FBXL19: variants seen among roughly 807,000 people sequenced by gnomAD.
The protein encoded by FBXL19 is F-box and leucine rich repeat protein 19.
FBXL19 carries 16 observed loss-of-function variants against 71.2 expected under a neutral mutation model. The observed-to-expected ratio is 0.22, with a 90% CI of 0.15 to 0.34. The LOEUF (loss-of-function observed/expected upper bound fraction) is 0.34, where lower values mean the gene tolerates loss of function less well. Among genes scored for constraint, FBXL19 ranks in the 10% least tolerant of loss-of-function variants. The pLI is 1.00. For synonymous variants in FBXL19, 447 were observed against 409.4 expected, an observed-to-expected ratio of 1.09 and a Z score of -1.11; for missense variants, 658 against 968.2, an observed-to-expected ratio of 0.68 and a Z score of 4.25.
chr16:30,937,855 G>T (rs1302663496), intron 7 of FBXL19, among the ~76,000 whole-genome samples: 1 of 152,110 alleles, frequency 6.6e-6, no homozygotes, highest in Non-Finnish European at 1.5e-5. Context: ...GTGGACCGTG[G>T]AAGGGAAGTG....
intron 7 of FBXL19, among the ~76,000 whole-genome samples, chr16:30,940,566 C>T (rs1029542809): frequency 6.6e-6 from 1 of 152,110 alleles, no homozygotes; most frequent in Non-Finnish European, 1.5e-5. Context: ...CAGTGTACTA[C>T]AAAATGTTAC....
At chr16:30,939,050 T>C (rs2143368068) in intron 7 of FBXL19, among the ~76,000 whole-genome samples, 1 of 152,166 alleles carries the variant, frequency 6.6e-6, no homozygotes, top group African/African-American at 2.4e-5. Flanking sequence ...TTAATAACTC[T>C]GGTCTTTTTT....
intron 9 of FBXL19, among the ~76,000 whole-genome samples, chr16:30,944,358 CCT>C (rs2055835994): frequency 1.3e-5 from 2 of 151,896 alleles, no homozygotes; most frequent in African/African-American, 2.4e-5. Context: ...CTCCCTCCTC[CCT>C]CTGAAAGGCT....
At chr16:30,934,935 T>G (rs1216737299) in intron 7 of FBXL19, among the ~76,000 whole-genome samples, 2 of 152,122 alleles carry the variant, frequency 1.3e-5, no homozygotes, top group African/African-American at 4.8e-5. Flanking sequence ...GGGCAAAAGA[T>G]CATACATCAG....
chr16:30,937,453 C>T (rs537398035), intron 7 of FBXL19, among the ~76,000 whole-genome samples: 1 of 152,252 alleles, frequency 6.6e-6, no homozygotes, highest in African/African-American at 2.4e-5. Context: ...CTGTCCATGT[C>T]TCCCTGACTG....
intron 7 of FBXL19, among the ~76,000 whole-genome samples, chr16:30,931,387 C>T (rs1166214422): frequency 2.0e-5 from 3 of 152,156 alleles, no homozygotes; most frequent in Non-Finnish European, 2.9e-5. Context: ...TCTGTTTTAT[C>T]TTCACGTCCC....
Position 30,927,842 on chromosome 16 carries a change from C to A in FBXL19, c.506C>A (p.Pro169Gln). The A allele has an allele frequency of 6.5e-7, 1 of 1,546,784 alleles. No homozygotes were observed. Among genetic ancestry groups the A allele is most frequent in the Non-Finnish European group, 8.7e-7 (1 of 1,146,288 alleles). The change falls in exon 5 of 11, where the codon CCA becomes CAA. Residue 169 changes from proline (P) to glutamine (Q), a missense_variant. Pro to Gln is a moderately conservative substitution (Grantham distance 76). Transcript: ENST00000338343. ...GWKLTEEPPL[P>Q]PPPPRRKGPL... is the part of the protein sequence containing the mutation. ...AAGCTGACAGAGGAGCCACCGCTTCCACCGCCCCCGCCCAGGCGCAAGGGC... is the reference window on the plus strand; with the variant it reads ...AAGCTGACAGAGGAGCCACCGCTTCAACCGCCCCCGCCCAGGCGCAAGGGC...
Position 30,925,473 on chromosome 16 carries a change from C to T in FBXL19, c.-24-258C>T, listed in dbSNP as rs530038438. 6.6e-6 allele frequency among the ~76,000 whole-genome samples: 1 copy of T among 152,212 alleles called. No individual in the cohort carries two copies. Among genetic ancestry groups the T allele is most frequent in the African/African-American group, 2.4e-5 (1 of 41,518 alleles). On this transcript the variant is annotated intron_variant, in intron 1 of 10. Transcript: ENST00000338343. This position sits in a 1 kb window ranked among gnomAD's most constrained non-coding sequence, Gnocchi z 5.0. ...AGGGCCTCGGTGTCCCCTCCTGCTC[C>T]CTGGGCTAGGGAAGGGACCCTGAGG...
intron 1 of FBXL19, 115 bp downstream of exon 1, chr16:30,924,574 C>A: frequency 7.4e-7 from 1 of 1,348,652 alleles, no homozygotes. Flanking sequence ...CTCTCTACTC[C>A]AAACTCATCT....
chr16:30,927,032 C>CTACA (rs2055600145), intron 2 of FBXL19, among the ~76,000 whole-genome samples: 1 of 152,212 alleles, frequency 6.6e-6, no homozygotes, highest in Admixed American at 6.5e-5. Context: ...GTGATAACAG[C>CTACA]TACATATCAG....
chr16:30,935,201 C>G (rs1163301164), intron 7 of FBXL19, among the ~76,000 whole-genome samples: 4 of 152,170 alleles, frequency 2.6e-5, no homozygotes, highest in African/African-American at 9.7e-5. Flanking sequence ...AGCTTCCAGG[C>G]AGGGACTTGA....
chr16:30,925,138 G>T lies in FBXL19; in HGVS notation c.-24-593G>T, dbSNP rs2055575563. Among the ~76,000 whole-genome samples, 1 of 152,122 alleles carries T rather than the reference G, an allele frequency of 6.6e-6. No individual in the cohort carries two copies. Among genetic ancestry groups the T allele is most frequent in the African/African-American group, 2.4e-5 (1 of 41,404 alleles). ...GTTAGTGGGCAGAGGAGATCGTTAG[G>T]GACTTGGGGGCAAGGATCTCGCTGG... On this transcript the variant is annotated intron_variant, in intron 1 of 10. Coordinates refer to ENST00000338343, the MANE Select transcript of FBXL19 (RefSeq NM_001382779.1). The surrounding 1 kb of genome is among the most constrained non-coding windows in gnomAD (Gnocchi z 5.0).
chr16:30,939,805 G>A (rs1190008557), intron 7 of FBXL19, among the ~76,000 whole-genome samples: 1 of 152,088 alleles, frequency 6.6e-6, no homozygotes, highest in Non-Finnish European at 1.5e-5. Context: ...TGGAGCTTGG[G>A]AATCACTGCC....
rs755886486 is a variant in FBXL19, at chr16:30,930,389, C to T, written c.1106C>T (p.Ala369Val). The change falls in exon 7 of 11, where the codon GCC (alanine) becomes GTC (valine). Residue 369 changes from alanine to valine, a missense_variant. This residue lies in a region of FBXL19 where 447 missense variants were observed against 515.4 expected (regional missense o/e 0.87). Transcript: ENST00000338343. This position sits in a 1 kb window ranked among gnomAD's most constrained non-coding sequence, Gnocchi z 8.5. ...CTACTCAGCTGGCCCCTGGGCCCAG[C>T]CCCACCACCCCGGCCTCCACAGCTG... ...GPLLSWPLGP[A>V]PPPRPPQLER... 1.4e-5 allele frequency: 22 copies of T among 1,534,132 alleles called. No homozygotes were observed. In the Admixed American group the frequency reaches 4.0e-4, roughly 28 times the overall value.
chr16:30,936,207 A>G (rs576218213), intron 7 of FBXL19, among the ~76,000 whole-genome samples: 7 of 152,302 alleles, frequency 4.6e-5, no homozygotes, highest in East Asian at 1.9e-4. Context: ...TTAGATCCCC[A>G]TAGCTCACAT....
chr16:30,934,606 C>G (rs2055711474), intron 7 of FBXL19, among the ~76,000 whole-genome samples: 1 of 151,714 alleles, frequency 6.6e-6, no homozygotes. Context: ...TGCAGTGAGC[C>G]AAGATTGAGC....
At chr16:30,928,413 T>C (rs1454686771) in intron 5 of FBXL19, 54 bp from the exon 6 acceptor site, 2 of 1,469,662 alleles carry the variant, frequency 1.4e-6, no homozygotes, top group East Asian at 2.6e-5. Flanking sequence ...TTCTGGCCCA[T>C]GAGGGCCTAA....
chr16:30,929,412 G>A (rs1338139589), intron 6 of FBXL19, among the ~76,000 whole-genome samples: 1 of 152,174 alleles, frequency 6.6e-6, no homozygotes, highest in African/African-American at 2.4e-5. Flanking sequence ...CAGCTGGTCC[G>A]TGTAGTGGAT....
chr16:30,928,363 C>T lies in FBXL19; in HGVS notation c.628-104C>T, dbSNP rs567413821. 4.3e-5 allele frequency: 54 copies of T among 1,256,208 alleles called. No individual in the cohort carries two copies. The Middle Eastern group carries it at 2.2e-3, about 50-fold the overall frequency. 77.8% of individuals were successfully genotyped at this position (1,256,208 alleles called of 1,614,324 possible). On this transcript the variant is annotated intron_variant, in intron 5 of 10. Coordinates refer to ENST00000338343, the MANE Select transcript of FBXL19 (RefSeq NM_001382779.1). ...AGAGTTATCCCTGGGACGGGGGCTTCTGGGACTTGTAGTCTAAGAGGAGGG... is the reference window on the plus strand; with the variant it reads ...AGAGTTATCCCTGGGACGGGGGCTTTTGGGACTTGTAGTCTAAGAGGAGGG...
Sources: allele counts gnomAD v4.1 joint callset (sites outside exome capture counted in the v4.1 genomes callset), GRCh38; gene constraint gnomAD v4.1.1; regional missense constraint gnomAD v4.1.1; non-coding constraint Gnocchi (gnomAD v3.1); transcripts MANE v1.5; gene names NCBI Gene and HGNC (gene_info 2026-07-23, HGNC 2026-07-21).